Variants in NIBAN2 observed in about 807,000 individuals in gnomAD.
NIBAN2 encodes the protein protein Niban 2.
NIBAN2 carries 36 observed loss-of-function variants against 81.8 expected under a neutral mutation model. That is an observed-to-expected ratio of 0.44 (90% CI 0.34 to 0.58). The LOEUF (loss-of-function observed/expected upper bound fraction) is 0.58. Ranked by LOEUF, NIBAN2 falls within the 20% of genes least tolerant of loss-of-function variation. The pLI, the probability that NIBAN2 is intolerant of heterozygous loss-of-function variation, is 0.02. For synonymous variants in NIBAN2, 445 were observed against 441.6 expected, an observed-to-expected ratio of 1.01 and a Z score of -0.10; for missense variants, 897 against 1,014.1, an observed-to-expected ratio of 0.88 and a Z score of 1.57.
intron 1 of NIBAN2, among the ~76,000 whole-genome samples, chr9:127,553,534 C>G (rs1837615344): frequency 6.6e-6 from 1 of 152,244 alleles, no homozygotes; most frequent in Admixed American, 6.5e-5. Flanking sequence ...TAGCTGCAAC[C>G]ATCCCTGTGC....
At chr9:127,554,159 C>T (rs1837625487) in intron 1 of NIBAN2, among the ~76,000 whole-genome samples, 1 of 152,216 alleles carries the variant, frequency 6.6e-6, no homozygotes, top group Admixed American at 6.5e-5. Flanking sequence ...TCTCCTTGCC[C>T]TCATCACAGA....
upstream of NIBAN2, chr9:127,569,163 G>T: frequency 1.5e-6 from 1 of 658,344 alleles, no homozygotes; most frequent in Non-Finnish European, 1.7e-6. Flanking sequence ...CCCCCTCCCC[G>T]CCCGCTGCCC....
chr9:127,568,024 G>A (rs981697952), intron 1 of NIBAN2, among the ~76,000 whole-genome samples: 1 of 152,188 alleles, frequency 6.6e-6, no homozygotes, highest in African/African-American at 2.4e-5. Context: ...AGAGTCTGTG[G>A]GGAAAAGGAA....
At chr9:127,530,176 C>A (rs1356853288) in intron 2 of NIBAN2, among the ~76,000 whole-genome samples, 1 of 152,254 alleles carries the variant, frequency 6.6e-6, no homozygotes, top group East Asian at 1.9e-4. Context: ...CCAGGCCGGG[C>A]CACAGCAGGC....
intron 2 of NIBAN2, among the ~76,000 whole-genome samples, chr9:127,528,746 G>C (rs368679869): frequency 6.6e-6 from 1 of 152,140 alleles, no homozygotes; most frequent in Admixed American, 6.5e-5. Flanking sequence ...GCCCTCAGCC[G>C]TCTATGTATA....
intron 2 of NIBAN2, among the ~76,000 whole-genome samples, chr9:127,530,171 C>A (rs755594183): frequency 4.7e-4 from 72 of 152,372 alleles, no homozygotes; most frequent in Non-Finnish European, 7.8e-4. Flanking sequence ...GACACCCAGG[C>A]CGGGCCACAG....
chr9:127,544,107 G>A (rs1433162350), intron 1 of NIBAN2, among the ~76,000 whole-genome samples: 1 of 152,220 alleles, frequency 6.6e-6, no homozygotes, highest in African/African-American at 2.4e-5. Context: ...AGAGAGAAGA[G>A]CTAGAACCAT....
chr9:127,561,380 C>T, intron 1 of NIBAN2: 11 of 712,736 alleles, frequency 1.5e-5, no homozygotes, highest in Non-Finnish European at 1.9e-5. Flanking sequence ...GTCAAGTTAG[C>T]TCAATAAAGT....
intron 2 of NIBAN2, among the ~76,000 whole-genome samples, chr9:127,529,990 G>A (rs1196865298): frequency 6.6e-6 from 1 of 152,196 alleles, no homozygotes; most frequent in African/African-American, 2.4e-5. Flanking sequence ...GCCTCACGCA[G>A]AGGAAATGCT....
intron 1 of NIBAN2, among the ~76,000 whole-genome samples, chr9:127,548,320 C>T (rs1247293892): frequency 6.6e-6 from 1 of 152,194 alleles, no homozygotes; most frequent in African/African-American, 2.4e-5. Context: ...CGACCACAGC[C>T]CCCCTGCTCT....
chr9:127,525,015 T>A (rs759356036), intron 4 of NIBAN2, 43 bp downstream of exon 4: 1 of 1,492,064 alleles, frequency 6.7e-7, no homozygotes, highest in East Asian at 2.3e-5. Flanking sequence ...CAGCTCCAGA[T>A]GCCTGTGCAG....
At chr9:127,538,029 C>T (rs923368232) in intron 1 of NIBAN2, among the ~76,000 whole-genome samples, 17 of 152,202 alleles carry the variant, frequency 1.1e-4, no homozygotes, top group African/African-American at 3.9e-4. Context: ...TACTGGGCTG[C>T]ATCCACCTCT....
Position 127,508,298 on chromosome 9 carries a change from C to G in NIBAN2, c.1435-98G>C. On this transcript the variant is annotated intron_variant, in intron 11 of 13. Transcript: ENST00000373312. This position sits in a 1 kb window ranked among gnomAD's most constrained non-coding sequence, Gnocchi z 6.4. ...GTGGTCTGACCCAAGCCTCCGAGTC[C>G]TCATCCGCACAAGAGGACCATGGCG... 1 of 1,321,678 alleles carries G rather than the reference C, an allele frequency of 7.6e-7. No individual in the cohort carries two copies. The highest frequency in any genetic ancestry group is 1.1e-6 in the Non-Finnish European group (1 of 928,404). 81.9% of individuals were successfully genotyped at this position (1,321,678 alleles called of 1,614,324 possible).
Position 127,509,032 on chromosome 9 carries a change from A to G in NIBAN2, c.1261T>C (p.Phe421Leu), listed in dbSNP as rs1836675041. The G allele has an allele frequency of 6.2e-7, 1 of 1,613,756 alleles. No homozygotes were observed. Residue 421 changes from phenylalanine (F) to leucine (L), a missense_variant, in exon 10 of 14, where the codon TTT (phenylalanine) becomes CTT (leucine). Around this residue, in one of 3 missense-constraint regions of NIBAN2, gnomAD observed 619 missense variants for 691.0 expected, o/e 0.90. Coordinates refer to ENST00000373312, the MANE Select transcript of NIBAN2 (RefSeq NM_022833.4). The stretch of plus-strand genomic sequence containing the variant: ...AACACGGACGTGCTGGACACATCAA[A>G]TCGCTGCTGCAGCCCGTCCAGTCGC... ...SLRLDGLQQR[F>L]DVSSTSVFKQ...
chr9:127,528,626 CA>C (rs1837121814), intron 2 of NIBAN2, among the ~76,000 whole-genome samples: 1 of 152,124 alleles, frequency 6.6e-6, no homozygotes, highest in Admixed American at 6.5e-5. Context: ...TGTGCTCACA[CA>C]ATAGGACCTG....
intron 1 of NIBAN2, among the ~76,000 whole-genome samples, chr9:127,547,237 T>C (rs1056017461): frequency 1.3e-5 from 2 of 151,984 alleles, no homozygotes; most frequent in Non-Finnish European, 2.9e-5. Flanking sequence ...AACATGGGAG[T>C]AACAGCAACC....
In NIBAN2 at chr9:127,564,292, C is replaced by T. The variant is rs183377642; in HGVS notation, c.55+4528G>A. Among the ~76,000 whole-genome samples, 488 of 102,774 alleles carry T rather than the reference C, an allele frequency of 4.7e-3. 2 individuals carry two copies. Among genetic ancestry groups the T allele is most frequent in the Middle Eastern group, 0.011 (2 of 186 alleles). 67.4% of individuals were successfully genotyped at this position (102,774 alleles called of 152,430 possible). A position where few individuals can be genotyped will look rare whatever the true frequency, so the allele number is the denominator to read the frequency against. On this transcript the variant is annotated intron_variant, in intron 1 of 13. Transcript: ENST00000373312. ...TGGGCAACAAAATGAGACTCTGTAT[C>T]AAAAAAAAAAAAAAAAGGTGACCCA...
intron 1 of NIBAN2, among the ~76,000 whole-genome samples, chr9:127,548,018 G>A (rs959713908): frequency 6.6e-6 from 1 of 152,152 alleles, no homozygotes; most frequent in African/African-American, 2.4e-5. Context: ...TTGGTGGCCA[G>A]GACATAAATG....
chr9:127,541,884 C>G (rs1024928393), intron 1 of NIBAN2, among the ~76,000 whole-genome samples: 5 of 152,068 alleles, frequency 3.3e-5, no homozygotes, highest in Non-Finnish European at 2.9e-5. Flanking sequence ...CTATGGGATT[C>G]CCACCCCACC....
Sources: allele counts gnomAD v4.1 joint callset (sites outside exome capture counted in the v4.1 genomes callset), GRCh38; gene constraint gnomAD v4.1.1; regional missense constraint gnomAD v4.1.1; non-coding constraint Gnocchi (gnomAD v3.1); transcripts MANE v1.5; gene names NCBI Gene and HGNC (gene_info 2026-07-23, HGNC 2026-07-21).